FNBP1L: variants seen among roughly 807,000 people sequenced by gnomAD.
FNBP1L encodes formin-binding protein 1-like.
Under a neutral mutation model 91.2 loss-of-function variants are expected in FNBP1L, and 36 were observed. That is an observed-to-expected ratio of 0.39 (90% CI 0.30 to 0.52). FNBP1L has a LOEUF of 0.52. Among genes scored for constraint, FNBP1L ranks in the 20% least tolerant of loss-of-function variants. The probability of loss-of-function intolerance (pLI) is 0.66; values close to 1 mark genes in which losing one functional copy is unlikely to be tolerated. For synonymous variants in FNBP1L, 242 were observed against 237.0 expected (o/e 1.02, Z -0.19); for missense variants, 571 against 732.1 (o/e 0.78, Z 2.54).
intron 2 of FNBP1L, among the ~76,000 whole-genome samples, chr1:93,520,794 G>C (rs1671294238): frequency 6.6e-6 from 1 of 152,148 alleles, no homozygotes; most frequent in Non-Finnish European, 1.5e-5. Flanking sequence ...GCTCATCCCA[G>C]CACTTTGGGA....
At chr1:93,532,469 C>CA (rs35188106) in intron 7 of FNBP1L, among the ~76,000 whole-genome samples, 33,286 of 62,484 alleles carry the variant, frequency 0.53, 9,696 homozygotes, top group East Asian at 0.73. Context: ...GACTCCGCCT[C>CA]AAAAAAAAAA....
intron 5 of FNBP1L, among the ~76,000 whole-genome samples, chr1:93,527,574 G>A (rs1171854175): frequency 6.6e-6 from 1 of 152,136 alleles, no homozygotes; most frequent in African/African-American, 2.4e-5. Flanking sequence ...GAAGTCTTTC[G>A]GGGTAATCTA....
intron 16 of FNBP1L, 39 bp from the exon 17 acceptor site, chr1:93,552,370 T>A (rs373633522): frequency 2.8e-5 from 45 of 1,605,190 alleles, no homozygotes; most frequent in Non-Finnish European, 3.7e-5. Flanking sequence ...ACCAAAGGTC[T>A]TCAGTAATTG....
intron 8 of FNBP1L, among the ~76,000 whole-genome samples, chr1:93,534,154 C>T (rs1671771219): frequency 6.6e-6 from 1 of 152,086 alleles, no homozygotes; most frequent in Non-Finnish European, 1.5e-5. Context: ...TTTATGAGAT[C>T]TTTTCCCTGT....
chr1:93,521,809 T>G (rs184439469), intron 2 of FNBP1L, among the ~76,000 whole-genome samples: 369 of 152,316 alleles, frequency 2.4e-3, no homozygotes, highest in South Asian at 8.5e-3. Context: ...TCTTAACTAT[T>G]TTCTTATTTG....
chr1:93,512,727 G>A (rs1670905413), intron 2 of FNBP1L, among the ~76,000 whole-genome samples: 1 of 151,602 alleles, frequency 6.6e-6, no homozygotes, highest in Non-Finnish European at 1.5e-5. Context: ...AAACCAACGA[G>A]AACAAAGACA....
intron 2 of FNBP1L, among the ~76,000 whole-genome samples, chr1:93,512,561 T>C (rs1670896791): frequency 1.3e-5 from 2 of 151,958 alleles, no homozygotes; most frequent in South Asian, 2.1e-4. Flanking sequence ...ACAGAAATTA[T>C]AGCAAACTAT....
intron 15 of FNBP1L, among the ~76,000 whole-genome samples, chr1:93,550,309 T>C (rs1672364897): frequency 6.6e-6 from 1 of 152,136 alleles, no homozygotes. Flanking sequence ...TAAGACCCTA[T>C]CTCTAAAACA....
In FNBP1L at chr1:93,523,367, T is replaced by C; in HGVS notation, c.218T>C (p.Phe73Ser). Residue 73 changes from phenylalanine to serine, a missense_variant, in exon 4 of 17, where the codon TTT becomes TCT. Phe to Ser is a radical substitution (Grantham distance 155). Transcript: ENST00000271234. Reference sequence around the variant, plus strand: ...AGGTTTACCTCGTGTGTAGCCTTTTTTAATATCCTTAATGAGTTAAATGAC... The same window carrying C: ...AGGTTTACCTCGTGTGTAGCCTTTTCTAATATCCTTAATGAGTTAAATGAC... ...EPRFTSCVAF[F>S]NILNELNDYA... 1 of 1,606,104 alleles carries C rather than the reference T, an allele frequency of 6.2e-7. No individual in the cohort carries two copies. Among genetic ancestry groups the C allele is most frequent in the Non-Finnish European group, 8.5e-7 (1 of 1,176,334 alleles).
chr1:93,486,221 T>C (rs1012938284), intron 1 of FNBP1L, among the ~76,000 whole-genome samples: 2 of 152,196 alleles, frequency 1.3e-5, no homozygotes, highest in African/African-American at 4.8e-5. Flanking sequence ...GTGTAGTTAT[T>C]ACAGCATTGA....
At chr1:93,485,151 T>TTA (rs542879124) in intron 1 of FNBP1L, among the ~76,000 whole-genome samples, 2 of 126,088 alleles carry the variant, frequency 1.6e-5, no homozygotes, top group South Asian at 2.6e-4. Context: ...ACCCTATCTC[T>TTA]AAAAAAAAAA....
intron 2 of FNBP1L, among the ~76,000 whole-genome samples, chr1:93,506,411 A>C (rs1435731019): frequency 2.0e-5 from 3 of 152,106 alleles, no homozygotes; most frequent in African/African-American, 7.2e-5. Context: ...AAAGTCTTAC[A>C]ACTTTCAGAA....
intron 1 of FNBP1L, among the ~76,000 whole-genome samples, chr1:93,480,456 T>G (rs1001455280): frequency 3.3e-5 from 5 of 152,220 alleles, no homozygotes; most frequent in African/African-American, 1.2e-4. Flanking sequence ...TGGGTGAAGA[T>G]TAAATGAGAA....
intron 1 of FNBP1L, among the ~76,000 whole-genome samples, chr1:93,483,290 A>C (rs1445306982): frequency 6.6e-6 from 1 of 152,130 alleles, no homozygotes; most frequent in African/African-American, 2.4e-5. Flanking sequence ...TATAGAGTCA[A>C]TATGAAAAGG....
Position 93,448,134 on chromosome 1 carries a change from C to T in FNBP1L, c.-148C>T, listed in dbSNP as rs1165262801. 9 of 1,003,738 alleles carry T rather than the reference C, an allele frequency of 9.0e-6. No homozygotes were observed. The highest frequency in any genetic ancestry group is 3.2e-5 in the South Asian group (2 of 62,884). The allele number at this position is 1,003,738 out of a possible 1,614,324, so 62.2% of individuals were successfully genotyped here. On this transcript the variant is annotated 5_prime_UTR_variant, in exon 1 of 17. Coordinates refer to ENST00000271234, the MANE Select transcript of FNBP1L (RefSeq NM_001164473.3). ...GGCTTCTCCAGTCGCGTCTTTCTCACTCACTGGGGAGCCCGGCGGTGGCGG... is the reference window on the plus strand; with the variant it reads ...GGCTTCTCCAGTCGCGTCTTTCTCATTCACTGGGGAGCCCGGCGGTGGCGG...
At position 93,492,167 on chromosome 1, in the gene FNBP1L, TA is replaced by T. The variant is rs1411132296; in HGVS notation, c.25-7300del. On this transcript the variant is annotated intron_variant, in intron 1 of 16. Coordinates refer to ENST00000271234, the MANE Select transcript of FNBP1L (RefSeq NM_001164473.3). ...CATTTAGTTTTTAAAAACAATCTGA[TA>T]CAGGTCTTAGATATCTATTTTTTAG... Among the ~76,000 whole-genome samples, 175 of 152,342 alleles carry T rather than the reference TA, an allele frequency of 1.1e-3. 1 individual carries two copies. In the Middle Eastern group the frequency reaches 0.017, roughly 15 times the overall value.
At position 93,544,220 on chromosome 1, in the gene FNBP1L, T is replaced by G; in HGVS notation, c.1274+4T>G. 2 of 1,594,192 alleles carry G rather than the reference T, an allele frequency of 1.3e-6. No homozygotes were observed. Among genetic ancestry groups the G allele is most frequent in the Middle Eastern group, 1.7e-4 (1 of 5,988 alleles). ...TACAGAAAGAATCAGACCAAAAGTA[T>G]TATTCCTTTAAGTTTTCTCTATCAT... On this transcript the variant is annotated splice_donor_region_variant and intron_variant, in intron 12 of 16. Transcript: ENST00000271234.
chr1:93,542,165 A>G (rs897792142), intron 11 of FNBP1L, among the ~76,000 whole-genome samples: 4 of 151,978 alleles, frequency 2.6e-5, no homozygotes, highest in African/African-American at 4.8e-5. Context: ...AATCCCAGCT[A>G]TTTGGGAGGC....
intron 1 of FNBP1L, among the ~76,000 whole-genome samples, chr1:93,481,463 C>T (rs1669701353): frequency 6.6e-6 from 1 of 152,090 alleles, no homozygotes; most frequent in Admixed American, 6.5e-5. Flanking sequence ...GGATGCTTAA[C>T]AGGGAAAATT....
Sources: gnomAD v4.1 joint callset for allele counts (sites outside exome capture counted in the v4.1 genomes callset) on GRCh38, gnomAD v4.1.1 for gene constraint, MANE v1.5 for transcripts, NCBI Gene and HGNC (gene_info 2026-07-23, HGNC 2026-07-21) for gene names.